Variants in CTNNA3 observed in about 807,000 individuals in gnomAD.
CTNNA3 encodes catenin alpha 3, also known as catenin alpha-3.
In CTNNA3, 76 loss-of-function variants were observed where a neutral mutation model predicts 95.7. The ratio of observed to expected loss-of-function variants is 0.79; its 90% confidence interval spans 0.66 to 0.96. The LOEUF (loss-of-function observed/expected upper bound fraction) is 0.96. Ranked by LOEUF, CTNNA3 falls within the 40% of genes least tolerant of loss-of-function variation. The pLI is 0.00. For synonymous variants in CTNNA3, 431 were observed against 374.4 expected (o/e 1.15, Z -1.74); for missense variants, 1,191 against 1,089.8 (o/e 1.09, Z -1.31).
intron 9 of CTNNA3, among the ~76,000 whole-genome samples, chr10:66,708,238 A>C (rs560682665): frequency 6.2e-4 from 94 of 151,954 alleles, no homozygotes; most frequent in African/African-American, 2.1e-3. Context: ...AAAAAAAAAA[A>C]CACCACTGAC....
chr10:66,705,437 T>C (rs1848085565), intron 9 of CTNNA3, among the ~76,000 whole-genome samples: 1 of 152,068 alleles, frequency 6.6e-6, no homozygotes, highest in South Asian at 2.1e-4. Context: ...TGGTAATAGG[T>C]ACTATTTCTT....
chr10:67,577,418 G>A (rs1842200204), intron 3 of CTNNA3, among the ~76,000 whole-genome samples: 1 of 152,126 alleles, frequency 6.6e-6, no homozygotes, highest in Admixed American at 6.5e-5. Context: ...TGTAGATTCT[G>A]GATATTAGCC....
At chr10:66,036,011 C>G (rs2133473950) in intron 15 of CTNNA3, among the ~76,000 whole-genome samples, 1 of 152,202 alleles carries the variant, frequency 6.6e-6, no homozygotes, top group African/African-American at 2.4e-5. Context: ...CACCCCACAC[C>G]ATATTTGTAA....
chr10:65,992,379 C>T (rs1316048252), intron 15 of CTNNA3, among the ~76,000 whole-genome samples: 3 of 151,982 alleles, frequency 2.0e-5, no homozygotes, highest in African/African-American at 7.2e-5. Context: ...CAATTCTGGG[C>T]TTCTCTTTTT....
chr10:66,716,601 A>C (rs1371031206), intron 9 of CTNNA3, among the ~76,000 whole-genome samples: 1 of 152,118 alleles, frequency 6.6e-6, no homozygotes, highest in Non-Finnish European at 1.5e-5. Flanking sequence ...TGTAGGCCAG[A>C]ATTGAGGCAA....
intron 5 of CTNNA3, among the ~76,000 whole-genome samples, chr10:67,256,761 A>G (rs867503170): frequency 2.8e-4 from 43 of 152,302 alleles, no homozygotes; most frequent in Middle Eastern, 3.4e-3. Context: ...CTTTAATTAA[A>G]ATCATTTAAG....
chr10:66,515,260 T>G (rs923384062), intron 11 of CTNNA3, among the ~76,000 whole-genome samples: 16 of 136,364 alleles, frequency 1.2e-4, no homozygotes, highest in Non-Finnish European at 2.3e-4. Flanking sequence ...GGACCCTTAT[T>G]CCCTATATCT....
intron 11 of CTNNA3, among the ~76,000 whole-genome samples, chr10:66,381,793 C>T (rs556149190): frequency 6.6e-6 from 1 of 152,260 alleles, no homozygotes; most frequent in African/African-American, 2.4e-5. Context: ...TTAAGCCCTA[C>T]AGTAAATACA....
intron 5 of CTNNA3, among the ~76,000 whole-genome samples, chr10:67,275,134 G>A (rs780757401): frequency 2.7e-4 from 41 of 152,238 alleles, no homozygotes; most frequent in Non-Finnish European, 4.3e-4. Context: ...CTTGCTAAGT[G>A]GTGGGCACTC....
chr10:66,727,950 T>A (rs1220363553), intron 9 of CTNNA3, among the ~76,000 whole-genome samples: 1 of 152,224 alleles, frequency 6.6e-6, no homozygotes, highest in Non-Finnish European at 1.5e-5. Context: ...GCCACATTTT[T>A]AATATAAAAC....
At chr10:66,821,679 A>G (rs1842308761) in intron 7 of CTNNA3, among the ~76,000 whole-genome samples, 1 of 152,214 alleles carries the variant, frequency 6.6e-6, no homozygotes, top group African/African-American at 2.4e-5. Flanking sequence ...GAATGACACC[A>G]TGTTGTCACC....
intron 7 of CTNNA3, among the ~76,000 whole-genome samples, chr10:66,923,640 A>T (rs1013672046): frequency 1.3e-5 from 2 of 152,226 alleles, no homozygotes; most frequent in Admixed American, 1.3e-4. Flanking sequence ...TTGTAGTTTA[A>T]CTATGAAGAC....
intron 5 of CTNNA3, among the ~76,000 whole-genome samples, chr10:67,519,576 C>A (rs1297049066): frequency 6.6e-6 from 1 of 152,074 alleles, no homozygotes. Flanking sequence ...TTCATAGCAA[C>A]AACACCACCA....
chr10:66,274,010 A>G (rs142826371), intron 13 of CTNNA3, among the ~76,000 whole-genome samples: 2 of 152,274 alleles, frequency 1.3e-5, no homozygotes, highest in East Asian at 3.9e-4. Context: ...GTATAAAGGA[A>G]AACTAATAAA....
chr10:66,011,178 C>T (rs1055442366), intron 15 of CTNNA3, among the ~76,000 whole-genome samples: 5 of 152,256 alleles, frequency 3.3e-5, no homozygotes, highest in Admixed American at 6.5e-5. Flanking sequence ...AGATGCCACT[C>T]GCAATTCCCC....
At chr10:66,861,851 A>C (rs1843940165) in intron 7 of CTNNA3, among the ~76,000 whole-genome samples, 1 of 152,188 alleles carries the variant, frequency 6.6e-6, no homozygotes, top group African/African-American at 2.4e-5. Flanking sequence ...AATATTTCTT[A>C]AATGTATGTA....
intron 5 of CTNNA3, among the ~76,000 whole-genome samples, chr10:67,323,144 A>AAAT (rs1841393875): frequency 6.6e-6 from 1 of 152,170 alleles, no homozygotes; most frequent in Non-Finnish European, 1.5e-5. Flanking sequence ...TAGTTTGCTA[A>AAAT]AATTGCCTCC....
intron 5 of CTNNA3, among the ~76,000 whole-genome samples, chr10:67,234,641 T>C (rs1589064214): frequency 6.6e-6 from 1 of 151,508 alleles, no homozygotes; most frequent in African/African-American, 2.4e-5. Context: ...CTATTCAACA[T>C]AGTGTTGGAA....
intron 13 of CTNNA3, among the ~76,000 whole-genome samples, chr10:66,276,436 A>G (rs1008541316): frequency 2.0e-5 from 3 of 152,054 alleles, no homozygotes; most frequent in East Asian, 1.9e-4. Flanking sequence ...AATTTCCTCC[A>G]TTTGTGGTTA....
Sources: gnomAD v4.1 joint callset for allele counts (sites outside exome capture counted in the v4.1 genomes callset) on GRCh38, gnomAD v4.1.1 for gene constraint, MANE v1.5 for transcripts, NCBI Gene and HGNC (gene_info 2026-07-23, HGNC 2026-07-21) for gene names.